The following FAM193A variants were observed in gnomAD, a reference collection of about 807,000 sequenced individuals.
FAM193A encodes the protein family with sequence similarity 193 member A, also known as protein FAM193A.
In FAM193A, 22 loss-of-function variants were observed where a neutral mutation model predicts 126.5. That is an observed-to-expected ratio of 0.17 (90% confidence interval 0.12 to 0.25). The LOEUF (loss-of-function observed/expected upper bound fraction) is 0.25. Among genes scored for constraint, FAM193A ranks in the 10% least tolerant of loss-of-function variants. FAM193A has a pLI of 1.00. For synonymous variants in FAM193A, 761 were observed against 646.8 expected (o/e 1.18, Z -2.68); for missense variants, 1,675 against 1,672.8 (o/e 1.00, Z -0.02).
chr4:2,633,599 A>C (rs1560502436), intron 5 of FAM193A, among the ~76,000 whole-genome samples: 1 of 151,778 alleles, frequency 6.6e-6, no homozygotes. Context: ...TTACTAGATA[A>C]TAAAAAAATA....
chr4:2,713,215 G>T (rs1719181862), intron 19 of FAM193A, among the ~76,000 whole-genome samples: 1 of 151,774 alleles, frequency 6.6e-6, no homozygotes, highest in Non-Finnish European at 1.5e-5. Flanking sequence ...GACCATCCTG[G>T]CCAACATGGT....
At chr4:2,730,456 C>A (rs1048889444) in intron 20 of FAM193A, among the ~76,000 whole-genome samples, 2 of 152,022 alleles carry the variant, frequency 1.3e-5, no homozygotes, top group Non-Finnish European at 2.9e-5. Context: ...TTTGCGAGGC[C>A]GAGGAGGGCA....
intron 2 of FAM193A, among the ~76,000 whole-genome samples, chr4:2,602,096 C>T (rs1302255021): frequency 6.6e-6 from 1 of 152,120 alleles, no homozygotes; most frequent in East Asian, 1.9e-4. Context: ...GCTGCGGCCT[C>T]CCAAAGTACT....
intron 13 of FAM193A, among the ~76,000 whole-genome samples, chr4:2,685,999 G>A (rs1715699236): frequency 6.6e-6 from 1 of 152,184 alleles, no homozygotes; most frequent in Non-Finnish European, 1.5e-5. Context: ...TGATTCAATA[G>A]CGTAGTCCAC....
intron 20 of FAM193A, among the ~76,000 whole-genome samples, chr4:2,717,162 T>C (rs1424012844): frequency 6.6e-6 from 1 of 152,078 alleles, no homozygotes; most frequent in Non-Finnish European, 1.5e-5. Flanking sequence ...GTATTTTTGG[T>C]GGAAACAGGG....
chr4:2,705,926 G>A (rs562124228), intron 19 of FAM193A, among the ~76,000 whole-genome samples: 2 of 152,186 alleles, frequency 1.3e-5, no homozygotes, highest in Non-Finnish European at 1.5e-5. Flanking sequence ...TGGACCAGGT[G>A]TGAGGGTGAT....
intron 1 of FAM193A, among the ~76,000 whole-genome samples, chr4:2,587,620 G>C (rs1427315757): frequency 6.6e-6 from 1 of 152,144 alleles, no homozygotes; most frequent in African/African-American, 2.4e-5. Context: ...TGATAGCCCG[G>C]GTGGTGGAGG....
At chr4:2,717,205 C>G (rs909268947) in intron 20 of FAM193A, among the ~76,000 whole-genome samples, 4 of 152,128 alleles carry the variant, frequency 2.6e-5, no homozygotes, top group Non-Finnish European at 2.9e-5. Flanking sequence ...GTCTCAAACT[C>G]TTGACTTTAA....
chr4:2,661,081 A>G (rs1232532134), intron 10 of FAM193A, among the ~76,000 whole-genome samples: 1 of 152,220 alleles, frequency 6.6e-6, no homozygotes, highest in Non-Finnish European at 1.5e-5. Flanking sequence ...CATTTGTCAC[A>G]GCTGCTGATG....
intron 2 of FAM193A, among the ~76,000 whole-genome samples, chr4:2,601,227 C>CTTTTT (rs1201989388): frequency 2.4e-4 from 27 of 110,630 alleles, no homozygotes; most frequent in Non-Finnish European, 3.9e-4. Context: ...TCTTCTTCTT[C>CTTTTT]TTTTTTTTTT....
chr4:2,677,865 T>A (rs1714607514), intron 13 of FAM193A, among the ~76,000 whole-genome samples: 1 of 152,240 alleles, frequency 6.6e-6, no homozygotes, highest in Non-Finnish European at 1.5e-5. Flanking sequence ...ACTGCATAAC[T>A]GCATTGAATC....
chr4:2,625,621 A>C, intron 3 of FAM193A: 1 of 382,038 alleles, frequency 2.6e-6, no homozygotes, highest in South Asian at 8.7e-5. Flanking sequence ...TCCTTAAATA[A>C]TCAGAATCTA....
At chr4:2,571,407 G>T (rs1004377524) in intron 1 of FAM193A, among the ~76,000 whole-genome samples, 1 of 152,114 alleles carries the variant, frequency 6.6e-6, no homozygotes. Context: ...CTTCTGTTTG[G>T]TTATGTATAA....
chr4:2,588,119 A>G (rs1190809771), intron 1 of FAM193A, among the ~76,000 whole-genome samples: 1 of 151,774 alleles, frequency 6.6e-6, no homozygotes, highest in African/African-American at 2.4e-5. Flanking sequence ...CTTCCTTTAT[A>G]CTCCTCAGCA....
intron 18 of FAM193A, among the ~76,000 whole-genome samples, chr4:2,699,055 A>T (rs1037806763): frequency 6.6e-6 from 1 of 152,134 alleles, no homozygotes; most frequent in Non-Finnish European, 1.5e-5. Context: ...GCGCCCTCAC[A>T]TCCAGCTAAT....
At chr4:2,572,679 G>T (rs996494544) in intron 1 of FAM193A, among the ~76,000 whole-genome samples, 3 of 152,022 alleles carry the variant, frequency 2.0e-5, no homozygotes, top group Admixed American at 6.6e-5. Flanking sequence ...TAGAGGAAGT[G>T]GGGGAGCTCA....
intron 1 of FAM193A, among the ~76,000 whole-genome samples, chr4:2,558,382 C>A (rs1329638089): frequency 6.6e-6 from 1 of 152,020 alleles, no homozygotes; most frequent in African/African-American, 2.4e-5. Flanking sequence ...CCAAGGCAAA[C>A]ATTGTCTACG....
At chr4:2,720,286 A>G (rs1560614779) in intron 20 of FAM193A, among the ~76,000 whole-genome samples, 1 of 152,222 alleles carries the variant, frequency 6.6e-6, no homozygotes, top group African/African-American at 2.4e-5. Flanking sequence ...AATTGTCTAC[A>G]TAGGAAATAT....
At chr4:2,577,044 A>G (rs780785736) in intron 1 of FAM193A, among the ~76,000 whole-genome samples, 8 of 152,194 alleles carry the variant, frequency 5.3e-5, no homozygotes, top group Non-Finnish European at 7.3e-5. Flanking sequence ...CGTCTTCTCA[A>G]TGTTACCTTA....
Sources: allele counts gnomAD v4.1 joint callset (sites outside exome capture counted in the v4.1 genomes callset), GRCh38; gene constraint gnomAD v4.1.1; transcripts MANE v1.5; gene names NCBI Gene and HGNC (gene_info 2026-07-23, HGNC 2026-07-21).